HSD17B12: variants seen among roughly 807,000 people sequenced by gnomAD.
HSD17B12 encodes hydroxysteroid 17-beta dehydrogenase 12, also known as very-long-chain 3-oxoacyl-CoA reductase.
HSD17B12 carries 32 observed loss-of-function variants against 39.3 expected under a neutral mutation model. The observed-to-expected ratio is 0.81, with a 90% CI of 0.61 to 1.09. HSD17B12 has a LOEUF of 1.09. HSD17B12 is among the 50% of genes least tolerant of loss of function. HSD17B12 has a pLI of 0.00. For missense variants in HSD17B12, 342 were observed against 382.9 expected, an observed-to-expected ratio of 0.89 and a Z score of 0.89; for synonymous variants, 150 against 146.7, an observed-to-expected ratio of 1.02 and a Z score of -0.16.
chr11:43,670,087 T>C, the HSD17B12 span, among the ~76,000 whole-genome samples: 1 of 152,152 alleles, frequency 6.6e-6, no homozygotes. Context: ...CACTGGGAGC[T>C]CTGAAGCTGG....
At chr11:43,631,568 TGC>T in the HSD17B12 span, among the ~76,000 whole-genome samples, 2 of 151,398 alleles carry the variant, frequency 1.3e-5, no homozygotes. Flanking sequence ...TCTCTCTCTC[TGC>T]CTGTCTCTCT....
chr11:43,640,627 C>A, the HSD17B12 span, among the ~76,000 whole-genome samples: 1 of 151,466 alleles, frequency 6.6e-6, no homozygotes, highest in Non-Finnish European at 1.5e-5. Context: ...AGAATTGTTA[C>A]GTATTAGGAA....
the HSD17B12 span, chr11:43,645,495 G>A: frequency 2.0e-5 from 3 of 152,166 alleles, no homozygotes; most frequent in Non-Finnish European, 2.9e-5. Context: ...CAGCTATCAA[G>A]TTTTAGTTTT....
chr11:43,780,699 A>G (rs1950756754), intron 3 of HSD17B12, among the ~76,000 whole-genome samples: 3 of 152,172 alleles, frequency 2.0e-5, no homozygotes, highest in Non-Finnish European at 4.4e-5. Context: ...AGGGTTCACA[A>G]ATACTCCAGA....
the HSD17B12 span, among the ~76,000 whole-genome samples, chr11:43,626,937 TAATTA>T: frequency 6.6e-6 from 1 of 152,074 alleles, no homozygotes; most frequent in Non-Finnish European, 1.5e-5. Context: ...TTACTTTACT[TAATTA>T]ATCTCACAGT....
At chr11:43,716,544 C>A (rs1314550357) in intron 1 of HSD17B12, among the ~76,000 whole-genome samples, 2 of 151,934 alleles carry the variant, frequency 1.3e-5, no homozygotes, top group Non-Finnish European at 2.9e-5. Context: ...GGTTCTCATT[C>A]ATTTCGCAAA....
intron 1 of HSD17B12, among the ~76,000 whole-genome samples, chr11:43,735,295 G>A (rs1950306659): frequency 2.0e-5 from 3 of 152,296 alleles, no homozygotes; most frequent in Middle Eastern, 3.4e-3. Flanking sequence ...CCTAGGAGTG[G>A]AATTGCCAGG....
chr11:43,660,464 TAATTGAAGATTAATATGATTG>T, the HSD17B12 span, among the ~76,000 whole-genome samples: 1 of 152,288 alleles, frequency 6.6e-6, no homozygotes, highest in Middle Eastern at 3.4e-3. Context: ...TGTAAGTTAT[TAATTGAAGATTAATATGATTG>T]AATTAACTAA....
chr11:43,639,621 G>A, the HSD17B12 span, among the ~76,000 whole-genome samples: 1 of 151,886 alleles, frequency 6.6e-6, no homozygotes, highest in Non-Finnish European at 1.5e-5. Context: ...AGGAACCTCT[G>A]CTTAGTACTT....
the HSD17B12 span, among the ~76,000 whole-genome samples, chr11:43,595,683 G>A: frequency 3.9e-4 from 60 of 152,076 alleles, no homozygotes; most frequent in Non-Finnish European, 7.2e-4. Flanking sequence ...GGTAATCCCC[G>A]GTGGGGAGTA....
chr11:43,612,095 C>A, the HSD17B12 span, among the ~76,000 whole-genome samples: 52,607 of 152,006 alleles, frequency 0.35, 11,510 homozygotes, highest in East Asian at 0.75. Flanking sequence ...TCCTTTGCCT[C>A]CTTTCTGGCT....
At chr11:43,626,649 A>G in the HSD17B12 span, among the ~76,000 whole-genome samples, 17 of 151,974 alleles carry the variant, frequency 1.1e-4, no homozygotes. Context: ...ATGTTTTCAA[A>G]GGAAAATAAT....
chr11:43,832,899 G>T (rs1323385175), intron 7 of HSD17B12, among the ~76,000 whole-genome samples: 1 of 152,042 alleles, frequency 6.6e-6, no homozygotes, highest in Non-Finnish European at 1.5e-5. Context: ...GGGCGTGGTG[G>T]CACACAGCTA....
intron 1 of HSD17B12, among the ~76,000 whole-genome samples, chr11:43,691,977 T>A (rs1949867017): frequency 1.3e-5 from 2 of 152,212 alleles, no homozygotes; most frequent in African/African-American, 4.8e-5. Context: ...AGAGTGTCAA[T>A]TGTGACTTTT....
At chr11:43,562,282 C>T in the HSD17B12 span, among the ~76,000 whole-genome samples, 1 of 152,338 alleles carries the variant, frequency 6.6e-6, no homozygotes, top group South Asian at 2.1e-4. Flanking sequence ...AGGCATAGGT[C>T]TCTGATAGGC....
the HSD17B12 span, among the ~76,000 whole-genome samples, chr11:43,582,656 CCAACAAA>C: frequency 3.7e-4 from 57 of 152,208 alleles, no homozygotes; most frequent in Admixed American, 1.2e-3. Context: ...CACCGTTCTT[CCAACAAA>C]CTAAACGCCC....
At chr11:43,748,644 A>G (rs189124101) in intron 1 of HSD17B12, among the ~76,000 whole-genome samples, 28 of 152,326 alleles carry the variant, frequency 1.8e-4, no homozygotes, top group Admixed American at 1.6e-3. Context: ...AAAAGTTATG[A>G]ATTGATCATG....
At chr11:43,763,611 T>TTATATATATATATATAAGGTTATCTTA (rs34924658) in intron 3 of HSD17B12, among the ~76,000 whole-genome samples, 1 of 145,650 alleles carries the variant, frequency 6.9e-6, no homozygotes, top group Non-Finnish European at 1.5e-5. Flanking sequence ...TAAGGTTATC[T>TTATATATATATATATAAGGTTATCTTA]TATATATATA....
At chr11:43,705,761 CTTTT>C (rs56979348) in intron 1 of HSD17B12, among the ~76,000 whole-genome samples, 74 of 62,442 alleles carry the variant, frequency 1.2e-3, no homozygotes, top group Non-Finnish European at 1.5e-3. Flanking sequence ...CCTCTCTCCT[CTTTT>C]TTTTTTTTTT....
Sources: allele counts gnomAD v4.1 joint callset (sites outside exome capture counted in the v4.1 genomes callset), GRCh38; gene constraint gnomAD v4.1.1; transcripts MANE v1.5; gene names NCBI Gene and HGNC (gene_info 2026-07-23, HGNC 2026-07-21).